SMYD3: variants seen among roughly 807,000 people sequenced by gnomAD.
SMYD3 encodes SET and MYND domain containing 3.
In SMYD3, 36 loss-of-function variants were observed where a neutral mutation model predicts 57.7. The observed-to-expected ratio is 0.62, with a 90% confidence interval of 0.48 to 0.82. The LOEUF (loss-of-function observed/expected upper bound fraction) is 0.82, where lower values mean the gene tolerates loss of function less well. Among genes scored for constraint, SMYD3 ranks in the 40% least tolerant of loss-of-function variants. The probability of loss-of-function intolerance (pLI) is 0.00; values close to 1 mark genes in which losing one functional copy is unlikely to be tolerated. For missense variants in SMYD3, 515 were observed against 538.8 expected (o/e 0.96, Z 0.44); for synonymous variants, 211 against 195.0 (o/e 1.08, Z -0.68).
At chr1:246,027,440 T>C (rs12217080) in intron 5 of SMYD3, among the ~76,000 whole-genome samples, 2,687 of 152,322 alleles carry the variant, frequency 0.018, 114 homozygotes, top group South Asian at 0.15. Flanking sequence ...TAGGGTCTAA[T>C]GCCAGCTGGT....
intron 1 of SMYD3, among the ~76,000 whole-genome samples, chr1:246,448,704 T>TA (rs1553349829): frequency 3.4e-4 from 28 of 81,444 alleles, no homozygotes; most frequent in South Asian, 1.3e-3. Context: ...CTCTTTTTTT[T>TA]AAAAAAAAAA....
At chr1:246,394,628 AG>A (rs2066626582) in intron 1 of SMYD3, among the ~76,000 whole-genome samples, 1 of 152,368 alleles carries the variant, frequency 6.6e-6, no homozygotes, top group South Asian at 2.1e-4. Context: ...TGAACATAGC[AG>A]CAATCAACTC....
chr1:246,205,717 A>T (rs1169794692), intron 5 of SMYD3, among the ~76,000 whole-genome samples: 1 of 150,854 alleles, frequency 6.6e-6, no homozygotes, highest in Non-Finnish European at 1.5e-5. Flanking sequence ...CTACTCGGGA[A>T]GCTGAGGCAG....
rs1558228762 is a variant in SMYD3 at position 246,101,063 on chromosome 1, G to GT, written c.532-171127_532-171126insA. Among the ~76,000 whole-genome samples the GT allele has an allele frequency of 3.7e-3, 341 of 92,978 alleles. 7 individuals are homozygous for GT. Among genetic ancestry groups the GT allele is most frequent in the African/African-American group, 4.1e-3 (130 of 31,636 alleles). The allele number at this position is 92,978 out of a possible 152,430, so 61.0% of individuals were successfully genotyped here. On this transcript the variant is annotated intron_variant, in intron 5 of 11. Transcript: ENST00000490107. ...ATCACTAGTAATATGTATTTTTAGG[G>GT]GTTTTTTGTTTTTTTTTTTTTTTTT...
chr1:246,024,949 G>C (rs368054517), intron 5 of SMYD3, among the ~76,000 whole-genome samples: 18 of 94,712 alleles, frequency 1.9e-4, no homozygotes, highest in South Asian at 3.7e-4. Flanking sequence ...TCTAGGAAGA[G>C]AGATACAGCA....
intron 5 of SMYD3, among the ~76,000 whole-genome samples, chr1:246,201,414 T>C (rs1032845307): frequency 7.9e-5 from 12 of 152,236 alleles, no homozygotes; most frequent in Non-Finnish European, 1.6e-4. Flanking sequence ...AGCACACGCA[T>C]GCTATTTTGT....
chr1:246,057,268 C>T (rs2060168009), intron 5 of SMYD3, among the ~76,000 whole-genome samples: 1 of 152,122 alleles, frequency 6.6e-6, no homozygotes, highest in Non-Finnish European at 1.5e-5. Context: ...TATAGTCTAC[C>T]TATAACAGCT....
At chr1:246,157,154 T>A (rs1267770191) in intron 5 of SMYD3, among the ~76,000 whole-genome samples, 3 of 152,188 alleles carry the variant, frequency 2.0e-5, no homozygotes, top group African/African-American at 7.2e-5. Flanking sequence ...TTGGCATCAC[T>A]GCCTGTCACC....
At chr1:245,796,455 T>C (rs1308902885) in intron 10 of SMYD3, among the ~76,000 whole-genome samples, 1 of 152,172 alleles carries the variant, frequency 6.6e-6, no homozygotes, top group East Asian at 1.9e-4. Context: ...CCTACTTTAA[T>C]GAACAGTAAA....
intron 5 of SMYD3, among the ~76,000 whole-genome samples, chr1:246,280,434 C>T (rs1365120038): frequency 1.3e-5 from 2 of 152,200 alleles, no homozygotes; most frequent in Non-Finnish European, 2.9e-5. Flanking sequence ...AAACTATCCA[C>T]ATTCCATAGT....
chr1:245,978,055 G>A (rs1364698740), intron 5 of SMYD3, among the ~76,000 whole-genome samples: 1 of 152,220 alleles, frequency 6.6e-6, no homozygotes, highest in African/African-American at 2.4e-5. Context: ...CCTGTCAGCT[G>A]TCGTTTATCA....
rs932728991 is a variant in SMYD3, at chr1:245,814,440, C to T, written c.1076+44056G>A. 45 of 936,766 alleles carry T rather than the reference C, an allele frequency of 4.8e-5. 1 individual carries two copies. The highest frequency in any genetic ancestry group is 1.2e-4 in the East Asian group (1 of 8,558). 58.0% of individuals were successfully genotyped at this position (936,766 alleles called of 1,614,324 possible). On this transcript the variant is annotated intron_variant, in intron 10 of 11. Coordinates refer to ENST00000490107, the MANE Select transcript of SMYD3 (RefSeq NM_001167740.2). ...ACTGGGGGCAAAAAAAAAATAAAAA[C>T]GAAAAAATAAACAATAAAAATAAAT...
intron 1 of SMYD3, 55 bp downstream of exon 1, chr1:246,506,999 C>CCCCCCCCCCCCCAA: frequency 1.0e-6 from 1 of 972,794 alleles, no homozygotes; most frequent in Non-Finnish European, 1.3e-6. Flanking sequence ...GCCCCCCCCT[C>CCCCCCCCCCCCCAA]CCCAGCACCC....
At chr1:245,781,361 A>G (rs1404541208) in intron 10 of SMYD3, among the ~76,000 whole-genome samples, 1 of 152,250 alleles carries the variant, frequency 6.6e-6, no homozygotes, top group Non-Finnish European at 1.5e-5. Context: ...TTGCTAGAAA[A>G]TGGCAGAGCT....
chr1:245,874,002 A>G (rs1352022088), intron 8 of SMYD3, among the ~76,000 whole-genome samples: 1 of 152,238 alleles, frequency 6.6e-6, no homozygotes, highest in African/African-American at 2.4e-5. Flanking sequence ...GCCTATGTGT[A>G]AAGTATATGT....
chr1:246,183,406 G>A (rs2062583829), intron 5 of SMYD3, among the ~76,000 whole-genome samples: 1 of 151,418 alleles, frequency 6.6e-6, no homozygotes, highest in African/African-American at 2.4e-5. Flanking sequence ...AATACAAGAA[G>A]GTTGGCATAA....
At chr1:246,156,409 T>C (rs1283329386) in intron 5 of SMYD3, among the ~76,000 whole-genome samples, 1 of 152,236 alleles carries the variant, frequency 6.6e-6, no homozygotes, top group African/African-American at 2.4e-5. Flanking sequence ...ACTTTTAGAA[T>C]GACATCTGCT....
intron 5 of SMYD3, among the ~76,000 whole-genome samples, chr1:246,034,203 T>C (rs780771095): frequency 6.6e-6 from 1 of 152,204 alleles, no homozygotes; most frequent in Non-Finnish European, 1.5e-5. Context: ...AATGAAGACG[T>C]AACTCCATGA....
chr1:245,805,156 GA>G (rs35965611), intron 10 of SMYD3, among the ~76,000 whole-genome samples: 7,168 of 128,594 alleles, frequency 0.056, 567 homozygotes, highest in African/African-American at 0.18. Context: ...AAGTGAGAAT[GA>G]AAAAAAAAAA....
Sources: gnomAD v4.1 joint callset for allele counts (sites outside exome capture counted in the v4.1 genomes callset) on GRCh38, gnomAD v4.1.1 for gene constraint, MANE v1.5 for transcripts, NCBI Gene and HGNC (gene_info 2026-07-23, HGNC 2026-07-21) for gene names.